Variants in DAB1 observed in about 807,000 individuals in gnomAD.
DAB1 encodes DAB adaptor protein 1.
Under a neutral mutation model 64.6 loss-of-function variants are expected in DAB1, and 15 were observed. The observed-to-expected ratio is 0.23, with a 90% CI of 0.16 to 0.36. The LOEUF (loss-of-function observed/expected upper bound fraction) is 0.36. Among genes scored for constraint, DAB1 ranks in the 10% least tolerant of loss-of-function variants. DAB1 has a pLI of 1.00. For synonymous variants in DAB1, 235 were observed against 251.9 expected, an observed-to-expected ratio of 0.93 and a Z score of 0.64; for missense variants, 596 against 706.7, an observed-to-expected ratio of 0.84 and a Z score of 1.78.
intron 7 of DAB1, among the ~76,000 whole-genome samples, chr1:57,607,743 T>G (rs1161037047): frequency 6.6e-6 from 1 of 152,132 alleles, no homozygotes; most frequent in Non-Finnish European, 1.5e-5. Flanking sequence ...TCATTAAAAT[T>G]AAAGAACTAA....
At chr1:57,553,919 A>G (rs1644957296) in intron 7 of DAB1, among the ~76,000 whole-genome samples, 1 of 152,026 alleles carries the variant, frequency 6.6e-6, no homozygotes. Flanking sequence ...GGAGGGGGCA[A>G]TGTTAGGAAT....
In DAB1 at chr1:57,641,378, G is replaced by GTTTTTTTTTTT. The variant is rs1491296848; in HGVS notation, n.625+8213_625+8214insAAAAAAAAAAA. Among the ~76,000 whole-genome samples, 25 of 109,804 alleles carry GTTTTTTTTTTT rather than the reference G, an allele frequency of 2.3e-4. 1 individual carries two copies. The highest frequency in any genetic ancestry group is 5.7e-4 in the African/African-American group (17 of 30,010). 72.0% of individuals were successfully genotyped at this position (109,804 alleles called of 152,430 possible). A position where few individuals can be genotyped will look rare whatever the true frequency, so the allele number is the denominator to read the frequency against. ...TGCCCAGTTCCCTCTTTTTTTTGTT[G>GTTTTTTTTTTT]GTTTTTTTTTTTTTTTTTTTTTTGA... is the stretch of plus-strand genomic sequence containing the variant. On this transcript the variant is annotated intron_variant and non_coding_transcript_variant, in intron 7 of 20. Transcript: ENST00000485760.
At chr1:57,011,012 G>A in intron 13 of DAB1, 133 bp downstream of exon 13, 5 of 1,224,102 alleles carry the variant, frequency 4.1e-6, no homozygotes, top group Non-Finnish European at 5.7e-6. Context: ...AGCCCCTTTA[G>A]CAACCCCTTG....
chr1:58,420,780 C>T (rs1644764365), intron 3 of DAB1, among the ~76,000 whole-genome samples: 1 of 152,098 alleles, frequency 6.6e-6, no homozygotes, highest in Non-Finnish European at 1.5e-5. Flanking sequence ...ATTTTCTTCC[C>T]TCTACCTTGG....
rs143886263 is a variant in DAB1 at position 57,044,970 on chromosome 1, G to A, written c.723+17914C>T. 2.4e-3 allele frequency among the ~76,000 whole-genome samples: 372 copies of A among 152,266 alleles called. 2 individuals are homozygous for A. Among genetic ancestry groups the A allele is most frequent in the African/African-American group, 8.6e-3 (359 of 41,554 alleles). Reference sequence around the variant, plus strand: ...ACCTCATTTAATTATCGCAACAAACGTGAGGTGCTGTTACTCGCCTTGTTT... The same window carrying A: ...ACCTCATTTAATTATCGCAACAAACATGAGGTGCTGTTACTCGCCTTGTTT... On this transcript the variant is annotated intron_variant, in intron 9 of 14. Transcript: ENST00000371236.
chr1:58,097,992 T>C (rs1651090834), intron 5 of DAB1, among the ~76,000 whole-genome samples: 1 of 152,140 alleles, frequency 6.6e-6, no homozygotes, highest in Admixed American at 6.5e-5. Flanking sequence ...GACTCTTTTG[T>C]ATTTAGGAAA....
intron 1 of DAB1, among the ~76,000 whole-genome samples, chr1:57,298,691 T>C (rs1673395787): frequency 6.6e-6 from 1 of 152,102 alleles, no homozygotes; most frequent in African/African-American, 2.4e-5. Flanking sequence ...TAAAAGCCAT[T>C]TTCCATAATA....
At chr1:58,300,638 G>C (rs372636862) in intron 4 of DAB1, among the ~76,000 whole-genome samples, 21 of 61,834 alleles carry the variant, frequency 3.4e-4, no homozygotes, top group African/African-American at 1.0e-3. Flanking sequence ...GAGAGAGAGA[G>C]AGAGAGAGAG....
intron 6 of DAB1, among the ~76,000 whole-genome samples, chr1:57,818,048 C>T (rs563087865): frequency 2.0e-5 from 3 of 152,210 alleles, no homozygotes; most frequent in Admixed American, 2.0e-4. Context: ...TGGAATAATA[C>T]TTGATATTTA....
At chr1:57,149,438 C>A (rs376575669) in intron 2 of DAB1, among the ~76,000 whole-genome samples, 5 of 152,168 alleles carry the variant, frequency 3.3e-5, no homozygotes, top group Non-Finnish European at 7.4e-5. Flanking sequence ...CATTTTACAA[C>A]CCTCCTAGCA....
At chr1:57,228,500 C>T (rs1667434739) in intron 2 of DAB1, among the ~76,000 whole-genome samples, 1 of 151,984 alleles carries the variant, frequency 6.6e-6, no homozygotes, top group Non-Finnish European at 1.5e-5. Context: ...CAGGGAAATG[C>T]AAATTAAAAC....
rs1032377231 is a variant in DAB1, at chr1:57,387,682, C to T, written c.-137+36248G>A. ...ACTAAAAATACAAAGATTAGCCAAG[C>T]ATGGTGGCGCACACCTGTAGTCCCA... is the stretch of plus-strand genomic sequence containing the variant. On this transcript the variant is annotated intron_variant, in intron 1 of 14. Transcript: ENST00000371236. Among the ~76,000 whole-genome samples, 4 of 151,986 alleles carry T rather than the reference C, an allele frequency of 2.6e-5. No individual in the cohort carries two copies. In the South Asian group the frequency reaches 8.3e-4, roughly 32 times the overall value.
chr1:57,519,933 T>C (rs975725724), intron 7 of DAB1, among the ~76,000 whole-genome samples: 1 of 152,250 alleles, frequency 6.6e-6, no homozygotes, highest in Non-Finnish European at 1.5e-5. Flanking sequence ...ATAACTCATA[T>C]ACCTATCATC....
intron 5 of DAB1, among the ~76,000 whole-genome samples, chr1:58,127,746 G>T (rs1009040067): frequency 6.6e-6 from 1 of 151,352 alleles, no homozygotes; most frequent in Non-Finnish European, 1.5e-5. Context: ...TTTTTCTCAG[G>T]TTTGTCAAAG....
intron 1 of DAB1, among the ~76,000 whole-genome samples, chr1:57,337,242 A>G (rs1677155687): frequency 6.6e-6 from 1 of 152,204 alleles, no homozygotes; most frequent in African/African-American, 2.4e-5. Context: ...TTTATTTTCA[A>G]AATAGAACCC....
rs181546798 is a variant in DAB1, at chr1:57,638,413, C to T, written n.625+11179G>A. Reference sequence around the variant, plus strand: ...GAGTGTCAGATGATAAGGCTGAGATCTGCTGAGAATGATGTCATCTGCAAT... The same window carrying T: ...GAGTGTCAGATGATAAGGCTGAGATTTGCTGAGAATGATGTCATCTGCAAT... On this transcript the variant is annotated intron_variant and non_coding_transcript_variant, in intron 7 of 20. Coordinates refer to the DAB1 transcript ENST00000485760. Among the ~76,000 whole-genome samples the T allele has an allele frequency of 6.6e-5, 10 of 152,280 alleles. No individual in the cohort carries two copies. In the East Asian group the frequency reaches 1.9e-3, roughly 29 times the overall value.
chr1:57,674,496 G>A (rs573972386), intron 6 of DAB1, among the ~76,000 whole-genome samples: 1 of 152,094 alleles, frequency 6.6e-6, no homozygotes, highest in African/African-American at 2.4e-5. Flanking sequence ...GATCTAATTG[G>A]TAAGGAGGCA....
At chr1:57,108,574 C>A (rs1655377790) in intron 4 of DAB1, among the ~76,000 whole-genome samples, 1 of 152,202 alleles carries the variant, frequency 6.6e-6, no homozygotes, top group Admixed American at 6.5e-5. Context: ...AATGTAAGCT[C>A]CTTGAGGCAG....
chr1:57,672,430 T>A (rs1428847750), intron 6 of DAB1, among the ~76,000 whole-genome samples: 3 of 152,156 alleles, frequency 2.0e-5, no homozygotes, highest in Non-Finnish European at 4.4e-5. Flanking sequence ...GAGACAGCAC[T>A]TATTTTTTAA....
Sources: allele counts gnomAD v4.1 joint callset (sites outside exome capture counted in the v4.1 genomes callset), GRCh38; gene constraint gnomAD v4.1.1; transcripts MANE v1.5; gene names NCBI Gene and HGNC (gene_info 2026-07-23, HGNC 2026-07-21).